C8orf88: variants seen among roughly 807,000 people sequenced by gnomAD.
The protein encoded by C8orf88 is chromosome 8 open reading frame 88.
In C8orf88, 14 loss-of-function variants were observed where a neutral mutation model predicts 18.4. The ratio of observed to expected loss-of-function variants is 0.76; its 90% CI spans 0.50 to 1.19. C8orf88 has a LOEUF of 1.19. C8orf88 is among the 50% of genes most tolerant of loss of function. The pLI is 0.00. For missense variants in C8orf88, 116 were observed against 134.7 expected (o/e 0.86, Z 0.69); for synonymous variants, 45 against 42.9 (o/e 1.05, Z -0.19).
At chr8:90,977,552 T>C (rs1811369747) in intron 3 of C8orf88, among the ~76,000 whole-genome samples, 1 of 152,198 alleles carries the variant, frequency 6.6e-6, no homozygotes, top group Non-Finnish European at 1.5e-5. Context: ...CTATATCAGT[T>C]CATATTTAAC....
At chr8:90,966,620 C>G (rs1811203888) in intron 4 of C8orf88, among the ~76,000 whole-genome samples, 1 of 148,918 alleles carries the variant, frequency 6.7e-6, no homozygotes, top group African/African-American at 2.5e-5. Flanking sequence ...AAACCTTTAC[C>G]AAGACTGATT....
At chr8:90,962,567 G>T (rs765383710) in intron 4 of C8orf88, among the ~76,000 whole-genome samples, 4 of 151,588 alleles carry the variant, frequency 2.6e-5, no homozygotes, top group Admixed American at 6.6e-5. Flanking sequence ...AAATTTTGTG[G>T]CATTTAACTT....
intron 4 of C8orf88, among the ~76,000 whole-genome samples, chr8:90,966,181 T>A (rs748189516): frequency 6.6e-6 from 1 of 151,200 alleles, no homozygotes; most frequent in South Asian, 2.1e-4. Flanking sequence ...CCATAAAAAA[T>A]GATGAGTTCA....
At chr8:90,962,748 T>C (rs1298562421) in intron 4 of C8orf88, among the ~76,000 whole-genome samples, 1 of 151,620 alleles carries the variant, frequency 6.6e-6, no homozygotes. Flanking sequence ...GAAGCTTGCC[T>C]GTACTTCACA....
At chr8:90,975,381 T>C (rs971899078) in intron 3 of C8orf88, among the ~76,000 whole-genome samples, 2 of 152,198 alleles carry the variant, frequency 1.3e-5, no homozygotes, top group South Asian at 2.1e-4. Flanking sequence ...ATGTATGATA[T>C]ACTGATTTTT....
At chr8:90,980,949 T>G (rs1248035440) in intron 1 of C8orf88, among the ~76,000 whole-genome samples, 1 of 152,140 alleles carries the variant, frequency 6.6e-6, no homozygotes, top group African/African-American at 2.4e-5. Flanking sequence ...CTCTTCTAAC[T>G]TCCTTAGCTG....
At chr8:90,967,837 G>T (rs1046525113) in intron 4 of C8orf88, among the ~76,000 whole-genome samples, 2 of 151,654 alleles carry the variant, frequency 1.3e-5, no homozygotes, top group African/African-American at 4.8e-5. Context: ...GCATCAAAAA[G>T]AATACAGTAC....
chr8:90,970,784 T>A (rs960842060), intron 4 of C8orf88, among the ~76,000 whole-genome samples: 6 of 151,848 alleles, frequency 4.0e-5, no homozygotes, highest in African/African-American at 1.2e-4. Context: ...AACAGAACAG[T>A]GGGAAAATAG....
intron 4 of C8orf88, among the ~76,000 whole-genome samples, chr8:90,963,677 A>C (rs918480638): frequency 1.3e-5 from 2 of 151,726 alleles, no homozygotes; most frequent in African/African-American, 4.8e-5. Context: ...GAAATGACAA[A>C]TTCATGAGAG....
rs534464180 is a variant in C8orf88 at position 90,976,876 on chromosome 8, C to T, written c.147+1703G>A. On this transcript the variant is annotated intron_variant, in intron 3 of 5. Coordinates refer to ENST00000517562, the MANE Select transcript of C8orf88 (RefSeq NM_001190972.2). ...TTTTGGAAGAATATATAGAAAACAT[C>T]TTTTAATTTTGGAAATGGGAAGACT... Among the ~76,000 whole-genome samples, 3 of 152,112 alleles carry T rather than the reference C, an allele frequency of 2.0e-5. No individual in the cohort carries two copies. The South Asian group carries it at 6.2e-4, about 32-fold the overall frequency.
At chr8:90,978,215 CATAAAACAA>C (rs1209644683) in intron 3 of C8orf88, among the ~76,000 whole-genome samples, 1 of 151,922 alleles carries the variant, frequency 6.6e-6, no homozygotes, top group Non-Finnish European at 1.5e-5. Flanking sequence ...ATCCTATTTA[CATAAAACAA>C]ATAAAACAAT....
At chr8:90,980,235 A>G (rs1454439265) in intron 2 of C8orf88, 128 bp downstream of exon 2, 4 of 529,430 alleles carry the variant, frequency 7.6e-6, no homozygotes, top group African/African-American at 5.9e-5. Flanking sequence ...CAGTAATACA[A>G]ACTCTTAGTT....
intron 1 of C8orf88, among the ~76,000 whole-genome samples, chr8:90,981,586 CACTGGTCCCT>C (rs1811436039): frequency 1.3e-5 from 2 of 152,154 alleles, no homozygotes; most frequent in African/African-American, 4.8e-5. Context: ...ATTCCTCCTT[CACTGGTCCCT>C]ACTGTATTTT....
intron 4 of C8orf88, among the ~76,000 whole-genome samples, chr8:90,968,271 A>G (rs1011697985): frequency 2.6e-5 from 4 of 151,692 alleles, no homozygotes; most frequent in Non-Finnish European, 5.9e-5. Context: ...AACACATTAA[A>G]CACATACACC....
intron 4 of C8orf88, 47 bp downstream of exon 4, chr8:90,971,019 T>A: frequency 9.0e-7 from 1 of 1,105,420 alleles, no homozygotes; most frequent in Non-Finnish European, 1.3e-6. Flanking sequence ...TTTATATGAA[T>A]GCTAAGACAT....
chr8:90,977,382 T>A (rs1811366727), intron 3 of C8orf88, among the ~76,000 whole-genome samples: 2 of 152,144 alleles, frequency 1.3e-5, no homozygotes, highest in Non-Finnish European at 2.9e-5. Context: ...TACTTAGTAA[T>A]TCTACTCTAA....
At position 90,959,047 on chromosome 8, in the gene C8orf88, A is replaced by G; in HGVS notation, c.331-17T>C. ...GTTGTTTTCCTGTAATATAAAAGAA[A>G]AAGTTAATTTATCAATTGATTGAAT... On this transcript the variant is annotated splice_polypyrimidine_tract_variant and intron_variant, in intron 5 of 5. Transcript: ENST00000517562. The G allele has an allele frequency of 8.2e-7, 1 of 1,221,536 alleles. No individual in the cohort carries two copies. The highest frequency in any genetic ancestry group is 1.1e-6 in the Non-Finnish European group (1 of 886,370). The allele number at this position is 1,221,536 out of a possible 1,614,324, so 75.7% of individuals were successfully genotyped here.
chr8:90,977,751 G>C, intron 3 of C8orf88, among the ~76,000 whole-genome samples: 1 of 152,036 alleles, frequency 6.6e-6, no homozygotes. Flanking sequence ...AGACCAGCCT[G>C]GCCAATATGG....
chr8:90,980,390 G>C lies in C8orf88; in HGVS notation c.46C>G (p.Pro16Ala), dbSNP rs866265663. 1.3e-6 allele frequency: 2 copies of C among 1,533,166 alleles called. No homozygotes were observed. The highest frequency in any genetic ancestry group is 1.7e-6 in the Non-Finnish European group (2 of 1,145,758). 95.0% of individuals were successfully genotyped at this position (1,533,166 alleles called of 1,614,324 possible). A position where few individuals can be genotyped will look rare whatever the true frequency, so the allele number is the denominator to read the frequency against. Residue 16 changes from proline to alanine, a missense_variant, in exon 2 of 6, where the codon CCT (proline) becomes GCT (alanine). Physicochemically the swap from Pro to Ala is conservative, Grantham distance 27 (BLOSUM62 -1). Transcript: ENST00000517562. ...LIGKPLQPAR[P>A]VRHLTSPPGA... is the part of the protein sequence containing the mutation. The stretch of plus-strand genomic sequence containing the variant: ...GGGGGAGAAGTCAGATGACGAACAG[G>C]TCTTGCTGGTTGAAGCGGTTTACCA...
Sources: gnomAD v4.1 joint callset for allele counts (sites outside exome capture counted in the v4.1 genomes callset) on GRCh38, gnomAD v4.1.1 for gene constraint, MANE v1.5 for transcripts, NCBI Gene and HGNC (gene_info 2026-07-23, HGNC 2026-07-21) for gene names.